The following KIFC3 variants were observed in gnomAD, a reference collection of about 807,000 sequenced individuals.
KIFC3 encodes kinesin-like protein KIFC3.
Under a neutral mutation model 101.8 loss-of-function variants are expected in KIFC3, and 60 were observed. The observed-to-expected ratio is 0.59, with a 90% CI of 0.48 to 0.73. The LOEUF (loss-of-function observed/expected upper bound fraction) is 0.73. KIFC3 is among the 30% of genes least tolerant of loss of function. The pLI is 0.00. For synonymous variants in KIFC3, 476 were observed against 482.7 expected (o/e 0.99, Z 0.18); for missense variants, 966 against 1,137.1 (o/e 0.85, Z 2.16).
At chr16:57,846,170 G>T (rs2055913803) in intron 1 of KIFC3, among the ~76,000 whole-genome samples, 1 of 152,196 alleles carries the variant, frequency 6.6e-6, no homozygotes, top group African/African-American at 2.4e-5. Flanking sequence ...ACCTCCAGGG[G>T]CTGGTGATGG....
intron 3 of KIFC3, chr16:57,776,834 C>T (rs549957887): frequency 6.6e-6 from 1 of 152,334 alleles, no homozygotes; most frequent in Admixed American, 6.5e-5. Flanking sequence ...TGCCACTAGA[C>T]CTCAAGCGGT....
upstream of KIFC3, among the ~76,000 whole-genome samples, chr16:57,807,438 G>A (rs1470215729): frequency 6.6e-6 from 1 of 152,134 alleles, no homozygotes; most frequent in Non-Finnish European, 1.5e-5. Flanking sequence ...AGAGGTGGTG[G>A]TCTTGGATGT....
upstream of KIFC3, among the ~76,000 whole-genome samples, chr16:57,805,948 A>G (rs2054926562): frequency 6.6e-6 from 1 of 152,094 alleles, no homozygotes; most frequent in Non-Finnish European, 1.5e-5. Context: ...CACGTTGGCC[A>G]GGCTGCTTGC....
At chr16:57,855,370 C>A (rs1314333829) in intron 1 of KIFC3, among the ~76,000 whole-genome samples, 1 of 151,828 alleles carries the variant, frequency 6.6e-6, no homozygotes. Context: ...TGTGATCTAC[C>A]CGCCTTGGCC....
intron 12 of KIFC3, among the ~76,000 whole-genome samples, chr16:57,763,302 G>T (rs1476839208): frequency 6.6e-6 from 1 of 152,132 alleles, no homozygotes; most frequent in Non-Finnish European, 1.5e-5. Context: ...AAAGCAGAGC[G>T]GGGAGCCCAG....
intron 1 of KIFC3, among the ~76,000 whole-genome samples, chr16:57,800,971 T>C (rs187743558): frequency 5.1e-4 from 78 of 152,264 alleles, no homozygotes; most frequent in Non-Finnish European, 6.6e-4. Flanking sequence ...TTACTTTGCC[T>C]CTCCGTACTT....
intron 3 of KIFC3, among the ~76,000 whole-genome samples, chr16:57,789,458 A>T (rs1334507887): frequency 6.6e-6 from 1 of 152,270 alleles, no homozygotes; most frequent in Non-Finnish European, 1.5e-5. Context: ...GCAAAGAGTG[A>T]TCCCATTTGA....
intron 1 of KIFC3, chr16:57,813,584 AATCCCAGC>A: frequency 1.5e-6 from 1 of 662,896 alleles, no homozygotes; most frequent in Non-Finnish European, 1.9e-6. Flanking sequence ...ACCTTCTGAG[AATCCCAGC>A]CCTGGGGTCA....
chr16:57,860,030 AAT>A (rs1377214621), intron 1 of KIFC3, among the ~76,000 whole-genome samples: 1 of 75,422 alleles, frequency 1.3e-5, no homozygotes, highest in East Asian at 6.5e-4. Flanking sequence ...TCAAAAATAA[AAT>A]AAAATAAAAT....
intron 3 of KIFC3, among the ~76,000 whole-genome samples, chr16:57,784,163 G>GCAGGA (rs2053064797): frequency 6.6e-6 from 1 of 152,250 alleles, no homozygotes; most frequent in Non-Finnish European, 1.5e-5. Context: ...GCTGTCCACT[G>GCAGGA]GGGTATCCCC....
intron 2 of KIFC3, chr16:57,797,804 A>G: frequency 7.3e-7 from 1 of 1,370,526 alleles, no homozygotes; most frequent in Non-Finnish European, 9.4e-7. Context: ...GAGGGAATGC[A>G]GCTGATTCCC....
chr16:57,813,735 T>A, intron 1 of KIFC3: 3 of 985,418 alleles, frequency 3.0e-6, no homozygotes, highest in Non-Finnish European at 3.6e-6. Flanking sequence ...CAGGTGGGCT[T>A]GGCATCCTCA....
At chr16:57,852,582 C>T (rs1440387082) in intron 1 of KIFC3, among the ~76,000 whole-genome samples, 2 of 152,096 alleles carry the variant, frequency 1.3e-5, no homozygotes, top group Non-Finnish European at 2.9e-5. Context: ...TATCTTTATC[C>T]TTATGGATTT....
chr16:57,861,871 C>A (rs993888823), intron 1 of KIFC3, among the ~76,000 whole-genome samples: 18 of 152,128 alleles, frequency 1.2e-4, no homozygotes, highest in Admixed American at 5.9e-4. Flanking sequence ...ATCACTTGAA[C>A]CTGGGAGGCG....
At chr16:57,815,921 C>T (rs1187221468) in intron 1 of KIFC3, among the ~76,000 whole-genome samples, 3 of 152,218 alleles carry the variant, frequency 2.0e-5, no homozygotes, top group African/African-American at 4.8e-5. Context: ...CCGGATACCC[C>T]GGGGTCCATT....
chr16:57,762,019 C>G, intron 13 of KIFC3, 121 bp downstream of exon 13: 1 of 1,291,860 alleles, frequency 7.7e-7, no homozygotes, highest in Non-Finnish European at 1.0e-6. Context: ...GATCCCAAAG[C>G]TGCCCCTGAG....
At chr16:57,792,801 G>A (rs1488936093) in intron 3 of KIFC3, among the ~76,000 whole-genome samples, 2 of 144,578 alleles carry the variant, frequency 1.4e-5, no homozygotes, top group Non-Finnish European at 3.0e-5. Flanking sequence ...AGATGACTTG[G>A]CTGGAGGTTG....
At chr16:57,783,711 G>A (rs1212217117) in intron 3 of KIFC3, among the ~76,000 whole-genome samples, 1 of 152,028 alleles carries the variant, frequency 6.6e-6, no homozygotes, top group Non-Finnish European at 1.5e-5. Context: ...GACCTCAGGC[G>A]ATCCACTCAC....
rs539494354 is a variant in KIFC3 at position 57,797,925 on chromosome 16, C to T, written c.172+147G>A. ...CGGCGAGACTGACGCTCCGGCTCCA[C>T]GCCCGCCTGGCTCTGGGCTGTCGGT... is the stretch of plus-strand genomic sequence containing the variant. On this transcript the variant is annotated intron_variant, in intron 2 of 19. Transcript: ENST00000445690. The T allele has an allele frequency of 1.3e-4, 195 of 1,511,924 alleles. 2 individuals are homozygous for T. The South Asian group carries it at 2.4e-3, about 18-fold the overall frequency. The allele number at this position is 1,511,924 out of a possible 1,614,324, so 93.7% of individuals were successfully genotyped here.
Sources: gnomAD v4.1 joint callset for allele counts (sites outside exome capture counted in the v4.1 genomes callset) on GRCh38, gnomAD v4.1.1 for gene constraint, MANE v1.5 for transcripts, NCBI Gene and HGNC (gene_info 2026-07-23, HGNC 2026-07-21) for gene names.